The following CPXM2 variants were observed in gnomAD, a reference collection of about 807,000 sequenced individuals.
The protein encoded by CPXM2 is carboxypeptidase X, M14 family member 2, also known as inactive carboxypeptidase-like protein X2.
In CPXM2, 66 loss-of-function variants were observed where a neutral mutation model predicts 86.1. The ratio of observed to expected loss-of-function variants is 0.77; its 90% CI spans 0.63 to 0.94. CPXM2 has a LOEUF of 0.94. CPXM2 is among the 40% of genes least tolerant of loss of function. The pLI is 0.00. For synonymous variants in CPXM2, 388 were observed against 400.2 expected (o/e 0.97, Z 0.36); for missense variants, 948 against 1,026.3 (o/e 0.92, Z 1.04).
intron 2 of CPXM2, among the ~76,000 whole-genome samples, chr10:123,934,547 T>C (rs1253969404): frequency 6.6e-6 from 1 of 152,062 alleles, no homozygotes; most frequent in African/African-American, 2.4e-5. Context: ...TCATCTTGAT[T>C]CCACCAGAAA....
Position 123,770,964 on chromosome 10 carries a change from T to G in CPXM2, c.1054A>C (p.Lys352Gln), listed in dbSNP as rs1393783351. 1 of 1,614,174 alleles carries G rather than the reference T, an allele frequency of 6.2e-7. No homozygotes were observed. The highest frequency in any genetic ancestry group is 2.2e-5 in the East Asian group (1 of 44,890). The stretch of plus-strand genomic sequence containing the variant: ...TCTGAGATCTCCACAGCATACAGCT[T>G]CAGGCCCTGGTGGCTTTTTCCAATG... ...YNIGKSHQGLKLYAVEISDHP... is the reference protein window; with the variant it reads ...YNIGKSHQGLQLYAVEISDHP... The change falls in exon 8 of 14, where the codon AAG becomes CAG. Residue 352 changes from lysine to glutamine, a missense_variant. Transcript: ENST00000241305.
chr10:123,785,669 A>G (rs991897933), intron 6 of CPXM2, among the ~76,000 whole-genome samples: 1 of 142,722 alleles, frequency 7.0e-6, no homozygotes, highest in African/African-American at 2.6e-5. Flanking sequence ...AGTCTTGCTC[A>G]TTGCCCAGGC....
Position 123,885,371 on chromosome 10 carries a change from G to T in CPXM2, c.305-5062C>A, listed in dbSNP as rs1308383971. On this transcript the variant is annotated intron_variant, in intron 1 of 13. Transcript: ENST00000241305. The surrounding 1 kb of genome is among the most constrained non-coding windows in gnomAD (Gnocchi z 4.0). ...TTATTAATTGTTCCCATGCCATCGT[G>T]AGGAACTGATGCTTGGAGAAGTCAC... is the stretch of plus-strand genomic sequence containing the variant. 1.3e-5 allele frequency among the ~76,000 whole-genome samples: 2 copies of T among 152,184 alleles called. No homozygotes were observed. Among genetic ancestry groups the T allele is most frequent in the Non-Finnish European group, 2.9e-5 (2 of 68,032 alleles).
At chr10:123,927,822 G>A (rs1945636947) in intron 2 of CPXM2, among the ~76,000 whole-genome samples, 1 of 152,200 alleles carries the variant, frequency 6.6e-6, no homozygotes, top group African/African-American at 2.4e-5. Context: ...TGTGGTTTTA[G>A]TTCCCACCTA....
In CPXM2 at chr10:123,807,656, G is replaced by A. The variant is rs149519089; in HGVS notation, c.654-8457C>T. The stretch of plus-strand genomic sequence containing the variant: ...TCGTGGGAGGGCAGAGGAAGTCTGC[G>A]TGGCTTAGATGGAAAAGGAGGAGGG... On this transcript the variant is annotated intron_variant, in intron 4 of 13. Coordinates refer to ENST00000241305, the MANE Select transcript of CPXM2 (RefSeq NM_198148.3). Among the ~76,000 whole-genome samples, 9 of 152,330 alleles carry A rather than the reference G, an allele frequency of 5.9e-5. 1 individual carries two copies. In the East Asian group the frequency reaches 1.4e-3, roughly 23 times the overall value.
At chr10:123,916,203 T>C (rs1365924137) in intron 2 of CPXM2, among the ~76,000 whole-genome samples, 6 of 152,156 alleles carry the variant, frequency 3.9e-5, no homozygotes, top group African/African-American at 1.4e-4. Context: ...TGAGCTTGTA[T>C]TGCATCCCAG....
intron 4 of CPXM2, among the ~76,000 whole-genome samples, chr10:123,804,540 A>G (rs112783795): frequency 1.2e-3 from 184 of 152,190 alleles, no homozygotes; most frequent in African/African-American, 4.3e-3. Flanking sequence ...TGCTTTTTAT[A>G]TGTTGACTTT....
At chr10:123,875,019 G>A (rs1325848100) in intron 2 of CPXM2, among the ~76,000 whole-genome samples, 1 of 152,164 alleles carries the variant, frequency 6.6e-6, no homozygotes, top group Non-Finnish European at 1.5e-5. Context: ...GAAGCCTATA[G>A]CTGCAGACTG....
upstream of CPXM2, among the ~76,000 whole-genome samples, chr10:123,893,129 G>T (rs1205350673): frequency 6.6e-6 from 1 of 152,228 alleles, no homozygotes; most frequent in African/African-American, 2.4e-5. Flanking sequence ...GCCAGGTTCC[G>T]TAACTATCTC....
chr10:123,752,845 A>G (rs1046618241), intron 13 of CPXM2, among the ~76,000 whole-genome samples: 7 of 152,184 alleles, frequency 4.6e-5, no homozygotes, highest in Non-Finnish European at 8.8e-5. Context: ...GTGGCCAGGC[A>G]GGGTGCTCGT....
rs1848687186 is a variant in CPXM2, at chr10:123,854,922, G to A, written c.513+7692C>T. ...CTATATCTGAACCAGATAATCCTGT[G>A]GTTCCTTAATAATCTGTGGTTCATG... On this transcript the variant is annotated intron_variant, in intron 3 of 13. Transcript: ENST00000241305. 3.9e-5 allele frequency among the ~76,000 whole-genome samples: 6 copies of A among 151,908 alleles called. No homozygotes were observed. In the South Asian group the frequency reaches 1.2e-3, roughly 32 times the overall value.
At chr10:123,860,857 T>C (rs930749534) in intron 3 of CPXM2, among the ~76,000 whole-genome samples, 15 of 152,244 alleles carry the variant, frequency 9.9e-5, no homozygotes, top group African/African-American at 3.6e-4. Context: ...TTAGTTATTA[T>C]TCTTTTTTTA....
At chr10:123,905,886 G>A (rs1331970471) in intron 2 of CPXM2, among the ~76,000 whole-genome samples, 1 of 152,016 alleles carries the variant, frequency 6.6e-6, no homozygotes, top group Non-Finnish European at 1.5e-5. Flanking sequence ...ACACGCTCAA[G>A]CCCTGTGGTT....
intron 4 of CPXM2, among the ~76,000 whole-genome samples, chr10:123,804,659 T>C (rs895741440): frequency 6.6e-6 from 1 of 152,124 alleles, no homozygotes; most frequent in Non-Finnish European, 1.5e-5. Context: ...ATTCTTTATT[T>C]CCAGTCATTA....
intron 10 of CPXM2, among the ~76,000 whole-genome samples, chr10:123,766,637 G>A (rs934183795): frequency 1.3e-5 from 2 of 152,198 alleles, no homozygotes; most frequent in African/African-American, 4.8e-5. Context: ...TAAGCAATCA[G>A]TGAGGGCTAA....
chr10:123,931,969 G>A (rs887730851), intron 2 of CPXM2, among the ~76,000 whole-genome samples: 1 of 152,198 alleles, frequency 6.6e-6, no homozygotes, highest in Non-Finnish European at 1.5e-5. Flanking sequence ...CAAAGTAAAA[G>A]AAGAAAGTCA....
Position 123,841,739 on chromosome 10 carries a change from G to A in CPXM2, c.653+610C>T, listed in dbSNP as rs138990547. The stretch of plus-strand genomic sequence containing the variant: ...TCACTGTATGCATATGTCATAAGAC[G>A]GAGGGTTTTCAGGGGCTGCAGCCCA... On this transcript the variant is annotated intron_variant, in intron 4 of 13. Transcript: ENST00000241305. 3.2e-3 allele frequency among the ~76,000 whole-genome samples: 480 copies of A among 152,282 alleles called. 3 individuals carry two copies. Among genetic ancestry groups the A allele is most frequent in the African/African-American group, 0.011 (441 of 41,550 alleles).
chr10:123,911,968 T>C (rs1945492075), intron 2 of CPXM2, among the ~76,000 whole-genome samples: 1 of 151,972 alleles, frequency 6.6e-6, no homozygotes, highest in Admixed American at 6.5e-5. Context: ...GAAAGTTTAT[T>C]TGAAAAGCTT....
rs1335068677 is a variant in CPXM2 at position 123,767,086 on chromosome 10, A to G, written c.1366T>C (p.Phe456Leu). ...CAGAGCAGCGTGTTTAAATCAGGAA[A>G]GTTGTTGTTGATGTCAATTCCATCG... The part of the protein sequence containing the change: ...THDGIDINNN[F>L]PDLNTLLWEA... The change falls in exon 10 of 14, where the codon TTT becomes CTT. Residue 456 changes from phenylalanine to leucine, a missense_variant. Coordinates refer to ENST00000241305, the MANE Select transcript of CPXM2 (RefSeq NM_198148.3). The G allele has an allele frequency of 8.7e-6, 14 of 1,614,052 alleles. No individual in the cohort carries two copies. Among genetic ancestry groups the G allele is most frequent in the African/African-American group, 2.7e-5 (2 of 74,926 alleles).
Sources: allele counts gnomAD v4.1 joint callset (sites outside exome capture counted in the v4.1 genomes callset), GRCh38; gene constraint gnomAD v4.1.1; non-coding constraint Gnocchi (gnomAD v3.1); transcripts MANE v1.5; gene names NCBI Gene and HGNC (gene_info 2026-07-23, HGNC 2026-07-21).